IQGAP1: variants seen among roughly 807,000 people sequenced by gnomAD.
The protein encoded by IQGAP1 is ras GTPase-activating-like protein IQGAP1.
IQGAP1 carries 66 observed loss-of-function variants against 215.6 expected under a neutral mutation model. That is an observed-to-expected ratio of 0.31 (90% confidence interval 0.25 to 0.38). The LOEUF (loss-of-function observed/expected upper bound fraction) is 0.38, where lower values mean the gene tolerates loss of function less well. Ranked by LOEUF, IQGAP1 falls within the 10% of genes least tolerant of loss-of-function variation. IQGAP1 has a pLI of 1.00. For synonymous variants in IQGAP1, 772 were observed against 728.7 expected (o/e 1.06, Z -0.96); for missense variants, 1,712 against 1,997.1 (o/e 0.86, Z 2.72).
chr15:90,456,361 C>T, intron 15 of IQGAP1, 46 bp downstream of exon 15: 3 of 1,586,996 alleles, frequency 1.9e-6, no homozygotes, highest in Admixed American at 1.7e-5. Context: ...CACCTCAGCC[C>T]TCCTAGAACA....
chr15:90,500,080 T>C lies in IQGAP1; in HGVS notation c.4946T>C (p.Leu1649Pro), dbSNP rs1966322741. ...GTAAATGTCAACCTCCTGATCTTCCTTCTCAACAAAAAGTTCTACGGGAAG... is the reference window on the plus strand; with the variant it reads ...GTAAATGTCAACCTCCTGATCTTCCCTCTCAACAAAAAGTTCTACGGGAAG... ...AKVNVNLLIF[L>P]LNKKFYGK The change falls in exon 38 of 38, where the codon CTT (leucine) becomes CCT (proline). Residue 1649 changes from leucine (L) to proline (P), a missense_variant. Transcript: ENST00000268182. 6.2e-7 allele frequency: 1 copy of C among 1,609,738 alleles called. No homozygotes were observed. Among genetic ancestry groups the C allele is most frequent in the Admixed American group, 1.7e-5 (1 of 60,000 alleles).
intron 2 of IQGAP1, among the ~76,000 whole-genome samples, chr15:90,423,550 A>G (rs746761176): frequency 2.0e-5 from 3 of 152,182 alleles, no homozygotes; most frequent in Non-Finnish European, 4.4e-5. Flanking sequence ...GATTTATTTT[A>G]TAAACAAACC....
intron 8 of IQGAP1, among the ~76,000 whole-genome samples, chr15:90,443,186 C>G (rs1198432398): frequency 6.6e-6 from 1 of 152,184 alleles, no homozygotes; most frequent in Non-Finnish European, 1.5e-5. Context: ...ATCTCAAACT[C>G]TTGGCTTCAA....
intron 2 of IQGAP1, among the ~76,000 whole-genome samples, chr15:90,422,648 A>ATATATATATGTATATG (rs1567120954): frequency 2.9e-5 from 2 of 69,820 alleles, no homozygotes; most frequent in Non-Finnish European, 5.0e-5. Context: ...ATGTATATGT[A>ATATATATATGTATATG]TATATATATA....
intron 2 of IQGAP1, among the ~76,000 whole-genome samples, chr15:90,410,943 A>G (rs1307585455): frequency 1.3e-5 from 2 of 151,960 alleles, no homozygotes; most frequent in African/African-American, 2.4e-5. Flanking sequence ...CCTAATTGCT[A>G]TGTCCCATGG....
intron 13 of IQGAP1, among the ~76,000 whole-genome samples, chr15:90,454,153 T>C (rs1356864321): frequency 6.6e-6 from 1 of 152,252 alleles, no homozygotes; most frequent in Non-Finnish European, 1.5e-5. Context: ...ATTTATTAGC[T>C]CATGTGTAGC....
rs926227359 is a variant in IQGAP1 at position 90,491,340 on chromosome 15, A to G, written c.4256A>G (p.Glu1419Gly). 5 of 1,613,836 alleles carry G rather than the reference A, an allele frequency of 3.1e-6. No individual in the cohort carries two copies. The African/African-American group carries it at 6.7e-5, about 22-fold the overall frequency. ...ETPATSEQEA[E>G]HQRAMQRRAI... ...TCTTTTTCCCATCCGTAGGAAGCAG[A>G]ACATCAGAGAGCCATGCAGAGACGT... is the stretch of plus-strand genomic sequence containing the variant. Residue 1419 changes from glutamate (E) to glycine (G), a missense_variant, in exon 34 of 38, where the codon GAA becomes GGA. Glu to Gly is a moderately conservative substitution (Grantham distance 98). Coordinates refer to ENST00000268182, the MANE Select transcript of IQGAP1 (RefSeq NM_003870.4).
Position 90,473,000 on chromosome 15 carries a change from C to T in IQGAP1, c.2339C>T (p.Thr780Ile). The T allele has an allele frequency of 6.2e-7, 1 of 1,613,872 alleles. No individual in the cohort carries two copies. The highest frequency in any genetic ancestry group is 2.2e-5 in the East Asian group (1 of 44,872). ...CTGAAGAAACAAATCCCTGCCATCA[C>T]CTGCATTCAGGTATTTCAGAACCTA... The part of the protein sequence containing the change: ...NFLKKQIPAI[T>I]CIQSQWRGYK... Residue 780 changes from threonine to isoleucine, a missense_variant, in exon 19 of 38, where the codon ACC (threonine) becomes ATC (isoleucine). Thr to Ile is a moderately conservative substitution (Grantham distance 89). Around this residue, in one of 2 missense-constraint regions of IQGAP1, gnomAD observed 1,021 missense variants for 1,074.2 expected, o/e 0.95. Transcript: ENST00000268182.
intron 2 of IQGAP1, among the ~76,000 whole-genome samples, chr15:90,396,334 G>C (rs757986153): frequency 1.4e-4 from 22 of 152,122 alleles, no homozygotes; most frequent in Non-Finnish European, 3.1e-4. Flanking sequence ...AAACAAAATG[G>C]GTAGGTGAGG....
chr15:90,409,855 A>C (rs1460176494), intron 2 of IQGAP1, among the ~76,000 whole-genome samples: 2 of 152,194 alleles, frequency 1.3e-5, no homozygotes, highest in Non-Finnish European at 2.9e-5. Context: ...CTGGTGTGAG[A>C]TGGCATCTCA....
rs1966339801 is a variant in IQGAP1 at position 90,501,420 on chromosome 15, A to G, written c.*1312A>G. ...AAAAAAAAACTTTTTCCAGGAAAATATATTGAAATCATGCTGCTGAGCCTC... is the reference window on the plus strand; with the variant it reads ...AAAAAAAAACTTTTTCCAGGAAAATGTATTGAAATCATGCTGCTGAGCCTC... On this transcript the variant is annotated 3_prime_UTR_variant, in exon 38 of 38. Coordinates refer to ENST00000268182, the MANE Select transcript of IQGAP1 (RefSeq NM_003870.4). 1 of 151,708 alleles carries G rather than the reference A, an allele frequency of 6.6e-6. No individual in the cohort carries two copies. The highest frequency in any genetic ancestry group is 2.4e-5 in the African/African-American group (1 of 41,296). 9.4% of individuals were successfully genotyped at this position (151,708 alleles called of 1,614,324 possible).
intron 2 of IQGAP1, among the ~76,000 whole-genome samples, chr15:90,421,115 C>T (rs571192773): frequency 1.3e-5 from 2 of 152,206 alleles, no homozygotes; most frequent in East Asian, 1.9e-4. Context: ...CTAGCCTGGG[C>T]GACAAAGCGA....
intron 18 of IQGAP1, among the ~76,000 whole-genome samples, chr15:90,468,048 T>TTTTGTTTG (rs113897373): frequency 7.4e-4 from 111 of 149,922 alleles, no homozygotes; most frequent in African/African-American, 2.0e-3. Context: ...ATTCAACAGT[T>TTTTGTTTG]TTTGTTTGTT....
Position 90,466,094 on chromosome 15 carries a change from A to G in IQGAP1, c.1867+3A>G. ...AGACACCCAAGAAGCACAGAAGTGT[A>G]TGTATCACCTGTTTTATTTCTGTTT... On this transcript the variant is annotated splice_donor_region_variant and intron_variant, in intron 16 of 37. Transcript: ENST00000268182. The G allele has an allele frequency of 3.1e-6, 5 of 1,613,346 alleles. No homozygotes were observed. The highest frequency in any genetic ancestry group is 1.7e-4 in the Middle Eastern group (1 of 6,054).
intron 26 of IQGAP1, among the ~76,000 whole-genome samples, chr15:90,480,173 G>C (rs1383945472): frequency 6.7e-6 from 1 of 149,514 alleles, no homozygotes; most frequent in Non-Finnish European, 1.5e-5. Flanking sequence ...AAGATCGCTT[G>C]AGCCCAGGAG....
At chr15:90,391,157 G>A in intron 2 of IQGAP1, 2 of 272,656 alleles carry the variant, frequency 7.3e-6, no homozygotes, top group Admixed American at 9.6e-5. Flanking sequence ...AGGATCACTT[G>A]AGTCCGGGAG....
intron 2 of IQGAP1, chr15:90,392,003 T>C (rs1032517294): frequency 6.6e-6 from 1 of 152,230 alleles, no homozygotes; most frequent in African/African-American, 2.4e-5. Flanking sequence ...CAGAGAACAG[T>C]ACAACAAACA....
intron 34 of IQGAP1, among the ~76,000 whole-genome samples, chr15:90,492,204 C>A (rs1024337287): frequency 1.3e-5 from 2 of 152,108 alleles, no homozygotes; most frequent in Non-Finnish European, 2.9e-5. Flanking sequence ...TGGCTCACAT[C>A]TGGAATCTCA....
At chr15:90,477,997 C>A in intron 26 of IQGAP1, 108 bp downstream of exon 26, 1 of 773,942 alleles carries the variant, frequency 1.3e-6, no homozygotes, top group Non-Finnish European at 2.1e-6. Flanking sequence ...TTTTTCTTTT[C>A]TTTTCTTTTT....
Sources: allele counts gnomAD v4.1 joint callset (sites outside exome capture counted in the v4.1 genomes callset), GRCh38; gene constraint gnomAD v4.1.1; regional missense constraint gnomAD v4.1.1; transcripts MANE v1.5; gene names NCBI Gene and HGNC (gene_info 2026-07-23, HGNC 2026-07-21).